The following UBE3C variants were observed in gnomAD, a reference collection of about 807,000 sequenced individuals.
UBE3C encodes ubiquitin protein ligase E3C.
Under a neutral mutation model 129.4 loss-of-function variants are expected in UBE3C, and 42 were observed. That is an observed-to-expected ratio of 0.32 (90% CI 0.25 to 0.42). The LOEUF is 0.42. Ranked by LOEUF, UBE3C falls within the 10% of genes least tolerant of loss-of-function variation. UBE3C has a pLI of 1.00. For synonymous variants in UBE3C, 510 were observed against 492.4 expected, an observed-to-expected ratio of 1.04 and a Z score of -0.47; for missense variants, 1,049 against 1,319.1, an observed-to-expected ratio of 0.80 and a Z score of 3.17.
chr7:157,155,965 A>G (rs778698885), intron 1 of UBE3C, among the ~76,000 whole-genome samples: 1 of 152,176 alleles, frequency 6.6e-6, no homozygotes, highest in Non-Finnish European at 1.5e-5. Flanking sequence ...TACGGGTTCT[A>G]CATCTGCATA....
At chr7:157,202,001 A>G (rs1809299388) in intron 11 of UBE3C, among the ~76,000 whole-genome samples, 194 bp downstream of exon 11, 1 of 152,150 alleles carries the variant, frequency 6.6e-6, no homozygotes. Flanking sequence ...TTATCTGTAT[A>G]TATTATAGAG....
chr7:157,247,862 A>C (rs920744464), intron 18 of UBE3C, among the ~76,000 whole-genome samples: 1 of 152,174 alleles, frequency 6.6e-6, no homozygotes, highest in Non-Finnish European at 1.5e-5. Context: ...AACTGTGCTC[A>C]AATCCTAATA....
At chr7:157,166,592 T>C (rs955659890) in intron 2 of UBE3C, among the ~76,000 whole-genome samples, 1 of 151,964 alleles carries the variant, frequency 6.6e-6, no homozygotes, top group African/African-American at 2.4e-5. Flanking sequence ...AATACAAAAT[T>C]ACCCAGGCAT....
At chr7:157,139,400 G>GGGACTCGGGGCT (rs71522068) in intron 1 of UBE3C, 62 bp downstream of exon 1, 14 of 1,186,840 alleles carry the variant, frequency 1.2e-5, no homozygotes, top group East Asian at 9.2e-5. Context: ...GCTCGGGGCT[G>GGGACTCGGGGCT]GGACTCGGGG....
chr7:157,243,785 C>A (rs753823270), intron 18 of UBE3C, among the ~76,000 whole-genome samples: 3 of 152,182 alleles, frequency 2.0e-5, no homozygotes, highest in Non-Finnish European at 4.4e-5. Context: ...AATCCGAAAA[C>A]TCTTAACACA....
chr7:157,166,401 C>T (rs1808213330), intron 2 of UBE3C, among the ~76,000 whole-genome samples: 1 of 152,162 alleles, frequency 6.6e-6, no homozygotes, highest in Non-Finnish European at 1.5e-5. Flanking sequence ...TTTCTGACTT[C>T]TTTGTATTTT....
In UBE3C at chr7:157,242,588, T is replaced by C. The variant is rs1796368016; in HGVS notation, c.2482-5780T>C. 2.0e-5 allele frequency among the ~76,000 whole-genome samples: 3 copies of C among 148,790 alleles called. No homozygotes were observed. In the Admixed American group the frequency reaches 2.0e-4, roughly 10 times the overall value. On this transcript the variant is annotated intron_variant, in intron 18 of 22. Transcript: ENST00000348165. ...GGAGTGTAAAACTGTCCTCAGATGC[T>C]CAGATGTTTGCTTCTTGTCAGTGGA...
At chr7:157,241,796 C>T (rs879643802) in intron 18 of UBE3C, among the ~76,000 whole-genome samples, 4 of 152,152 alleles carry the variant, frequency 2.6e-5, no homozygotes, top group Admixed American at 6.5e-5. Context: ...AAACAGAATA[C>T]GGTTCATCCA....
At chr7:157,261,905 AT>A (rs1159159010) in intron 22 of UBE3C, among the ~76,000 whole-genome samples, 2 of 152,366 alleles carry the variant, frequency 1.3e-5, no homozygotes, top group East Asian at 3.9e-4. Context: ...GTATTTAATT[AT>A]GCACAAAATG....
Position 157,163,871 on chromosome 7 carries a change from C to T in UBE3C, c.120+8C>T. On this transcript the variant is annotated splice_region_variant and intron_variant, in intron 2 of 22. Coordinates refer to ENST00000348165, the MANE Select transcript of UBE3C (RefSeq NM_014671.3). ...GAAAGAAGAAAGAGAGAGGTAAAAA[C>T]AGTTTTGTAATACTCTGTAGATAAG... The T allele has an allele frequency of 6.2e-7, 1 of 1,613,050 alleles. No individual in the cohort carries two copies. Among genetic ancestry groups the T allele is most frequent in the South Asian group, 1.1e-5 (1 of 90,980 alleles).
chr7:157,174,708 TCCCAAAGTTA>T (rs745485643), intron 4 of UBE3C, among the ~76,000 whole-genome samples: 2 of 152,136 alleles, frequency 1.3e-5, no homozygotes, highest in Non-Finnish European at 2.9e-5. Flanking sequence ...TGCCTCAGCC[TCCCAAAGTTA>T]CAGACGTGAA....
At chr7:157,152,958 G>T (rs1807798854) in intron 1 of UBE3C, among the ~76,000 whole-genome samples, 1 of 152,176 alleles carries the variant, frequency 6.6e-6, no homozygotes, top group East Asian at 1.9e-4. Context: ...CACTTTGGGA[G>T]GCTGAGGGGG....
At chr7:157,165,363 A>C (rs1159153640) in intron 2 of UBE3C, among the ~76,000 whole-genome samples, 1 of 140,462 alleles carries the variant, frequency 7.1e-6, no homozygotes, top group Non-Finnish European at 1.6e-5. Flanking sequence ...ACCTGACCTA[A>C]TTTCTGATTT....
intron 18 of UBE3C, among the ~76,000 whole-genome samples, chr7:157,235,401 T>C (rs1796129360): frequency 6.6e-6 from 1 of 152,218 alleles, no homozygotes; most frequent in African/African-American, 2.4e-5. Context: ...ATGAATTAAA[T>C]CTTAAGATTA....
chr7:157,224,775 T>TACACACAC (rs34300175), intron 16 of UBE3C, among the ~76,000 whole-genome samples: 21 of 147,030 alleles, frequency 1.4e-4, no homozygotes, highest in East Asian at 6.0e-4. Flanking sequence ...TGCACGTGCG[T>TACACACAC]ACACACACAC....
intron 22 of UBE3C, among the ~76,000 whole-genome samples, chr7:157,260,829 G>A (rs570790148): frequency 1.1e-4 from 16 of 152,302 alleles, no homozygotes; most frequent in Non-Finnish European, 1.8e-4. Flanking sequence ...AGTCCTGCCA[G>A]ACGTAGGTTC....
chr7:157,183,359 C>T (rs887047564), intron 8 of UBE3C, among the ~76,000 whole-genome samples: 3 of 152,200 alleles, frequency 2.0e-5, no homozygotes, highest in African/African-American at 4.8e-5. Context: ...AGACAGTTCA[C>T]AGAACTCGGG....
At chr7:157,246,969 C>A (rs1230651849) in intron 18 of UBE3C, among the ~76,000 whole-genome samples, 2 of 152,238 alleles carry the variant, frequency 1.3e-5, no homozygotes, top group Admixed American at 1.3e-4. Flanking sequence ...CGGCTCACTG[C>A]AACCTCCACC....
Position 157,184,019 on chromosome 7 carries a change from C to T in UBE3C, c.1133C>T (p.Pro378Leu). ...GAGGAGAGTGAAGAAGCCGACAAGC[C>T]CTCAAGCCCGGTAAGCCCCGTGCCC... ...SEEESEEADKPSSPEDGRLSV... is the reference protein window; with the variant it reads ...SEEESEEADKLSSPEDGRLSV... Residue 378 changes from proline (P) to leucine (L), a missense_variant, in exon 9 of 23, where the codon CCC becomes CTC. By Grantham distance (98) the Pro-to-Leu change is moderately conservative. Around this residue, in one of 4 missense-constraint regions of UBE3C, gnomAD observed 489 missense variants for 513.8 expected, o/e 0.95. Transcript: ENST00000348165. The T allele has an allele frequency of 6.2e-7, 1 of 1,614,056 alleles. No individual in the cohort carries two copies. The highest frequency in any genetic ancestry group is 1.1e-5 in the South Asian group (1 of 91,080).
Sources: allele counts gnomAD v4.1 joint callset (sites outside exome capture counted in the v4.1 genomes callset), GRCh38; gene constraint gnomAD v4.1.1; regional missense constraint gnomAD v4.1.1; transcripts MANE v1.5; gene names NCBI Gene and HGNC (gene_info 2026-07-23, HGNC 2026-07-21).